Variants in CPA5 observed in about 807,000 individuals in gnomAD.
CPA5 encodes the protein testicular tissue protein Li 32.
Under a neutral mutation model 52.2 loss-of-function variants are expected in CPA5, and 38 were observed. The observed-to-expected ratio is 0.73, with a 90% CI of 0.56 to 0.95. The LOEUF (loss-of-function observed/expected upper bound fraction) is 0.95. CPA5 is among the 40% of genes least tolerant of loss of function. The probability of loss-of-function intolerance (pLI) is 0.00; values close to 1 mark genes in which losing one functional copy is unlikely to be tolerated. For missense variants in CPA5, 519 were observed against 566.7 expected (o/e 0.92, Z 0.86); for synonymous variants, 198 against 213.7 (o/e 0.93, Z 0.64).
At chr7:130,352,041 G>C (rs1253415555) in intron 5 of CPA5, among the ~76,000 whole-genome samples, 16 of 152,168 alleles carry the variant, frequency 1.1e-4, no homozygotes, top group African/African-American at 3.9e-4. Flanking sequence ...GTTGAGGCTT[G>C]ATAAATGTCA....
chr7:130,373,567 G>A (rs1458150838), downstream of CPA5, among the ~76,000 whole-genome samples: 1 of 152,252 alleles, frequency 6.6e-6, no homozygotes, highest in Non-Finnish European at 1.5e-5. Flanking sequence ...GGCCCTGGCA[G>A]GGATCCAGGG....
chr7:130,346,720 C>CAGGA, intron 3 of CPA5, 119 bp downstream of exon 3: 2 of 786,424 alleles, frequency 2.5e-6, no homozygotes, highest in Non-Finnish European at 4.2e-6. Context: ...GATGTGGGTT[C>CAGGA]CTGTCCTGAA....
At chr7:130,347,688 C>T in intron 3 of CPA5, 78 bp from the exon 4 acceptor site, 4 of 1,276,866 alleles carry the variant, frequency 3.1e-6, no homozygotes, top group East Asian at 2.3e-5. Flanking sequence ...CTCTGCTCCA[C>T]TCTGCCCCTT....
chr7:130,367,870 GC>G (rs781888679), intron 11 of CPA5, 35 bp from the exon 12 acceptor site: 1 of 1,584,966 alleles, frequency 6.3e-7, no homozygotes, highest in Non-Finnish European at 8.7e-7. Flanking sequence ...GCCCCGGGGA[GC>G]CCCTGCCTTT....
intron 10 of CPA5, among the ~76,000 whole-genome samples, chr7:130,366,475 G>C (rs1328404434): frequency 6.6e-6 from 1 of 152,176 alleles, no homozygotes; most frequent in Non-Finnish European, 1.5e-5. Flanking sequence ...AGACAGAGAT[G>C]GGGCGAAGGC....
At chr7:130,362,685 C>T (rs1795858162) in intron 8 of CPA5, 146 bp downstream of exon 8, 1 of 667,946 alleles carries the variant, frequency 1.5e-6, no homozygotes, top group Non-Finnish European at 2.6e-6. Flanking sequence ...ACCGTGCACT[C>T]TTACCTTTTG....
intron 5 of CPA5, among the ~76,000 whole-genome samples, chr7:130,353,114 TC>T (rs1795271350): frequency 6.6e-6 from 1 of 151,912 alleles, no homozygotes; most frequent in South Asian, 2.1e-4. Context: ...CAGTTATTTC[TC>T]CCATTTAAAA....
chr7:130,356,024 C>T (rs1340614752), intron 5 of CPA5, among the ~76,000 whole-genome samples: 3 of 152,210 alleles, frequency 2.0e-5, no homozygotes, highest in Non-Finnish European at 2.9e-5. Flanking sequence ...TGCCACAGGA[C>T]TGGAGTTGCT....
chr7:130,355,999 A>T (rs1584807726), intron 5 of CPA5, among the ~76,000 whole-genome samples: 1 of 151,948 alleles, frequency 6.6e-6, no homozygotes, highest in African/African-American at 2.4e-5. Flanking sequence ...ATCAGCAGCC[A>T]CCCCCCACAT....
chr7:130,358,764 G>C lies in CPA5; in HGVS notation c.334-825G>C, dbSNP rs186695832. ...GAAGGACACTAGCTCATCTCACTGT[G>C]ACCCAAGCAGAGAAAAATGTCCCAA... On this transcript the variant is annotated intron_variant, in intron 5 of 12. Transcript: ENST00000474905. Among the ~76,000 whole-genome samples, 6 of 152,278 alleles carry C rather than the reference G, an allele frequency of 3.9e-5. No homozygotes were observed. In the East Asian group the frequency reaches 1.2e-3, roughly 29 times the overall value.
chr7:130,366,370 A>G (rs1477860166), intron 10 of CPA5, among the ~76,000 whole-genome samples: 1 of 152,178 alleles, frequency 6.6e-6, no homozygotes, highest in Non-Finnish European at 1.5e-5. Context: ...GACTCCTTCC[A>G]AGTGTGTCCT....
chr7:130,361,975 G>A (rs1795814983), intron 7 of CPA5, among the ~76,000 whole-genome samples: 1 of 152,100 alleles, frequency 6.6e-6, no homozygotes, highest in Admixed American at 6.5e-5. Context: ...ATTTCTCCAG[G>A]GGCCATGGTC....
Position 130,362,691 on chromosome 7 carries a change from T to G in CPA5, c.636+152T>G, listed in dbSNP as rs1199885436. The G allele has an allele frequency of 2.4e-5, 16 of 663,522 alleles. No individual in the cohort carries two copies. The East Asian group carries it at 3.5e-4, about 15-fold the overall frequency. The allele number at this position is 663,522 out of a possible 1,614,324, so 41.1% of individuals were successfully genotyped here. ...GGAGCAGCCACCGTGCACTCTTACC[T>G]TTTGCAGCACGGAGCCCACATTGAT... On this transcript the variant is annotated intron_variant, in intron 8 of 12. Coordinates refer to ENST00000474905, the MANE Select transcript of CPA5 (RefSeq NM_080385.5).
chr7:130,353,147 C>T (rs1554404414), intron 5 of CPA5, among the ~76,000 whole-genome samples: 1 of 152,046 alleles, frequency 6.6e-6, no homozygotes, highest in African/African-American at 2.4e-5. Flanking sequence ...TGATCCCTTC[C>T]CTCTCCCCTC....
intron 12 of CPA5, 35 bp from the exon 13 acceptor site, chr7:130,368,375 T>C: frequency 6.2e-7 from 1 of 1,606,282 alleles, no homozygotes; most frequent in Non-Finnish European, 8.5e-7. Flanking sequence ...CCCTTCTTCC[T>C]TTTGTGGGGC....
chr7:130,371,548 G>C (rs1232619388), downstream of CPA5, among the ~76,000 whole-genome samples: 1 of 152,108 alleles, frequency 6.6e-6, no homozygotes, highest in African/African-American at 2.4e-5. Flanking sequence ...AGTTGAGGCT[G>C]AAACTGCTGT....
chr7:130,369,436 C>G (rs1554409626), downstream of CPA5, among the ~76,000 whole-genome samples: 1 of 152,210 alleles, frequency 6.6e-6, no homozygotes, highest in Non-Finnish European at 1.5e-5. Context: ...TGTCTGCTGC[C>G]TTCTGGGAAA....
At chr7:130,346,245 T>C in intron 2 of CPA5, 148 bp from the exon 3 acceptor site, 2 of 364,288 alleles carry the variant, frequency 5.5e-6, no homozygotes, top group Non-Finnish European at 9.6e-6. Flanking sequence ...AAAGAAAAGC[T>C]AAGGCCTGTC....
rs1796226974 is a variant in CPA5 at position 130,368,521 on chromosome 7, A to G, written c.1235A>G (p.Gln412Arg). Residue 412 changes from glutamine (Q) to arginine (R), a missense_variant, in exon 13 of 13, where the codon CAG becomes CGG. By Grantham distance (43) the Gln-to-Arg change is conservative. Coordinates refer to ENST00000474905, the MANE Select transcript of CPA5 (RefSeq NM_080385.5). Reference protein sequence around the residue: ...GQYGFLLPATQIIPTAQETWM... With the variant: ...GQYGFLLPATRIIPTAQETWM... ...TATGGCTTCCTGCTGCCGGCCACAC[A>G]GATCATCCCCACGGCCCAGGAGACG... The G allele has an allele frequency of 2.5e-6, 4 of 1,614,154 alleles. No homozygotes were observed. In the East Asian group the frequency reaches 8.9e-5, roughly 36 times the overall value.
Sources: gnomAD v4.1 joint callset for allele counts (sites outside exome capture counted in the v4.1 genomes callset) on GRCh38, gnomAD v4.1.1 for gene constraint, MANE v1.5 for transcripts, NCBI Gene and HGNC (gene_info 2026-07-23, HGNC 2026-07-21) for gene names.